The following SLC25A16 variants were observed in gnomAD, a reference collection of about 807,000 sequenced individuals.
The protein encoded by SLC25A16 is mitochondrial coenzyme A transporter SLC25A16.
SLC25A16 carries 39 observed loss-of-function variants against 41.5 expected under a neutral mutation model. That is an observed-to-expected ratio of 0.94 (90% CI 0.73 to 1.23). The LOEUF is 1.23. Ranked by LOEUF, SLC25A16 falls within the 50% of genes most tolerant of loss-of-function variation. SLC25A16 has a pLI of 0.00. For missense variants in SLC25A16, 421 were observed against 426.9 expected (o/e 0.99, Z 0.12); for synonymous variants, 146 against 147.8 (o/e 0.99, Z 0.09).
chr10:68,523,104 C>A (rs973274472), intron 1 of SLC25A16, among the ~76,000 whole-genome samples: 1 of 152,138 alleles, frequency 6.6e-6, no homozygotes, highest in Non-Finnish European at 1.5e-5. Context: ...TTTTTATTCC[C>A]CCTTTCACGG....
chr10:68,509,743 C>CTATATATATAGA (rs1335452119), intron 2 of SLC25A16, among the ~76,000 whole-genome samples: 1 of 144,664 alleles, frequency 6.9e-6, no homozygotes, highest in South Asian at 2.1e-4. Context: ...ATATATATAT[C>CTATATATATAGA]TATATATATA....
intron 4 of SLC25A16, among the ~76,000 whole-genome samples, chr10:68,502,548 G>A (rs1297600896): frequency 6.6e-6 from 1 of 151,240 alleles, no homozygotes. Context: ...TGGGCAACAT[G>A]ACAAATGCCC....
intron 1 of SLC25A16, among the ~76,000 whole-genome samples, chr10:68,522,293 TATA>T (rs2053263116): frequency 6.6e-6 from 1 of 152,124 alleles, no homozygotes; most frequent in Non-Finnish European, 1.5e-5. Flanking sequence ...ACCCGATTTA[TATA>T]ATATTCTGGA....
intron 2 of SLC25A16, among the ~76,000 whole-genome samples, chr10:68,515,048 A>ATT (rs539523643): frequency 2.5e-4 from 35 of 140,952 alleles, no homozygotes; most frequent in East Asian, 8.7e-4. Flanking sequence ...TAAAGTCTTG[A>ATT]TTTTTTTTTT....
In SLC25A16 at chr10:68,491,427, G is replaced by C. The variant is rs2052656397; in HGVS notation, c.610+1705C>G. Among the ~76,000 whole-genome samples the C allele has an allele frequency of 4.6e-5, 7 of 152,142 alleles. No homozygotes were observed. The South Asian group carries it at 1.4e-3, about 32-fold the overall frequency. ...TTTAGTAGAGACGGTGTTTCTCCAT[G>C]TTGGTCAGGCTGGTCTCAAACTCCT... On this transcript the variant is annotated intron_variant, in intron 6 of 8. Transcript: ENST00000609923.
rs963198126 is a variant in SLC25A16 at position 68,483,050 on chromosome 10, A to C, written c.*382T>G. The C allele has an allele frequency of 6.5e-6, 1 of 154,860 alleles. No individual in the cohort carries two copies. Among genetic ancestry groups the C allele is most frequent in the Non-Finnish European group, 1.4e-5 (1 of 69,918 alleles). 9.6% of individuals were successfully genotyped at this position (154,860 alleles called of 1,614,324 possible). On this transcript the variant is annotated 3_prime_UTR_variant, in exon 9 of 9. Coordinates refer to ENST00000609923, the MANE Select transcript of SLC25A16 (RefSeq NM_152707.4). ...TATTGCAATATAACCAACCCTGTTT[A>C]TTTTAATAATAATAAACACTGTCAG...
intron 2 of SLC25A16, among the ~76,000 whole-genome samples, chr10:68,506,988 T>C (rs1311297286): frequency 1.3e-5 from 2 of 151,542 alleles, no homozygotes; most frequent in Admixed American, 1.3e-4. Flanking sequence ...TAATAGCAAA[T>C]TATATTAAAC....
chr10:68,524,067 A>T (rs886821684), intron 1 of SLC25A16, among the ~76,000 whole-genome samples: 34 of 151,774 alleles, frequency 2.2e-4, no homozygotes, highest in Non-Finnish European at 3.4e-4. Flanking sequence ...TCCCAGCACT[A>T]TGGGAGGTCA....
At chr10:68,518,040 C>CA (rs2053189226) in intron 1 of SLC25A16, 3 of 152,002 alleles carry the variant, frequency 2.0e-5, no homozygotes, top group Non-Finnish European at 4.4e-5. Context: ...TGGAGGATGA[C>CA]GTGAGCCAAC....
At chr10:68,509,758 T>G (rs548713160) in intron 2 of SLC25A16, among the ~76,000 whole-genome samples, 115 of 148,246 alleles carry the variant, frequency 7.8e-4, no homozygotes, top group South Asian at 4.0e-3. Flanking sequence ...TATATAGATA[T>G]ATAGATATAG....
intron 6 of SLC25A16, among the ~76,000 whole-genome samples, chr10:68,489,865 C>T (rs1019031696): frequency 6.8e-6 from 1 of 146,862 alleles, no homozygotes; most frequent in Non-Finnish European, 1.5e-5. Flanking sequence ...GGCAACACTG[C>T]ACTCTAGCCT....
In SLC25A16 at chr10:68,510,377, C is replaced by CAA. The variant is rs768260993; in HGVS notation, c.224-3661_224-3660dup. Among the ~76,000 whole-genome samples, 929 of 117,960 alleles carry CAA rather than the reference C, an allele frequency of 7.9e-3. 18 individuals carry two copies. The highest frequency in any genetic ancestry group is 0.027 in the African/African-American group (887 of 33,458). The allele number at this position is 117,960 out of a possible 152,430, so 77.4% of individuals were successfully genotyped here. ...TGAAACCCTGTCTCTACTAAAAATACAAAAAAAAAAAAAAATTAGCCAGGT... is the reference window on the plus strand; with the variant it reads ...TGAAACCCTGTCTCTACTAAAAATACAAAAAAAAAAAAAAAAATTAGCCAGGT... On this transcript the variant is annotated intron_variant, in intron 2 of 8. Coordinates refer to ENST00000609923, the MANE Select transcript of SLC25A16 (RefSeq NM_152707.4).
chr10:68,520,709 G>C (rs2133597946), intron 1 of SLC25A16, among the ~76,000 whole-genome samples: 1 of 152,012 alleles, frequency 6.6e-6, no homozygotes, highest in Non-Finnish European at 1.5e-5. Flanking sequence ...CTACACGGGA[G>C]GCTGAGGCAG....
At chr10:68,488,270 C>T (rs1439427647) in intron 7 of SLC25A16, among the ~76,000 whole-genome samples, 197 bp downstream of exon 7, 1 of 151,864 alleles carries the variant, frequency 6.6e-6, no homozygotes, top group African/African-American at 2.4e-5. Flanking sequence ...GGCAGCACTA[C>T]TGCATCCAAA....
At position 68,481,148 on chromosome 10, in the gene SLC25A16, CT is replaced by C. The variant is rs2052479949; in HGVS notation, c.*2283del. 1 of 152,108 alleles carries C rather than the reference CT, an allele frequency of 6.6e-6. No individual in the cohort carries two copies. Among genetic ancestry groups the C allele is most frequent in the Admixed American group, 6.6e-5 (1 of 15,256 alleles). The allele number at this position is 152,108 out of a possible 1,614,324, so 9.4% of individuals were successfully genotyped here. On this transcript the variant is annotated 3_prime_UTR_variant, in exon 9 of 9. Coordinates refer to ENST00000609923, the MANE Select transcript of SLC25A16 (RefSeq NM_152707.4). Reference sequence around the variant, plus strand: ...TACAGGCGCCCGCCACCATGCCCGGCTGATTTTTGTATTTTTAGTAGAGACA... The same window carrying C: ...TACAGGCGCCCGCCACCATGCCCGGCGATTTTTGTATTTTTAGTAGAGACA...
intron 4 of SLC25A16, among the ~76,000 whole-genome samples, chr10:68,501,582 G>A (rs929069381): frequency 3.3e-5 from 5 of 151,302 alleles, no homozygotes; most frequent in African/African-American, 1.2e-4. Context: ...GGGGAGGGAA[G>A]AGGAGGGAAG....
chr10:68,499,802 A>C (rs766409036), intron 4 of SLC25A16: 7 of 443,676 alleles, frequency 1.6e-5, no homozygotes, highest in Admixed American at 2.8e-5. Context: ...GGAAAAGGCT[A>C]ATGGTACAAC....
chr10:68,483,809 C>A (rs1173228187), intron 8 of SLC25A16, among the ~76,000 whole-genome samples: 1 of 151,978 alleles, frequency 6.6e-6, no homozygotes, highest in Non-Finnish European at 1.5e-5. Context: ...ATTACAGGCA[C>A]GCGCCACCAT....
intron 6 of SLC25A16, among the ~76,000 whole-genome samples, chr10:68,490,078 T>C (rs939236190): frequency 4.6e-5 from 7 of 152,022 alleles, no homozygotes; most frequent in African/African-American, 1.7e-4. Flanking sequence ...CTGGGTAATA[T>C]AGTGAGAACT....
Sources: allele counts gnomAD v4.1 joint callset (sites outside exome capture counted in the v4.1 genomes callset), GRCh38; gene constraint gnomAD v4.1.1; transcripts MANE v1.5; gene names NCBI Gene and HGNC (gene_info 2026-07-23, HGNC 2026-07-21).